Variants in ADH6 observed in about 807,000 individuals in gnomAD.
The protein encoded by ADH6 is alcohol dehydrogenase 6 (class V).
A neutral mutation model predicts 36.5 loss-of-function variants in ADH6; 34 were observed. The ratio of observed to expected loss-of-function variants is 0.93; its 90% CI spans 0.71 to 1.24. The LOEUF is 1.24. Among genes scored for constraint, ADH6 ranks in the 50% most tolerant of loss-of-function variants. The pLI, the probability that ADH6 is intolerant of heterozygous loss-of-function variation, is 0.00. For synonymous variants in ADH6, 161 were observed against 155.5 expected (o/e 1.04, Z -0.26); for missense variants, 440 against 447.0 (o/e 0.98, Z 0.14).
chr4:99,212,228 C>A (rs1275095442), intron 3 of ADH6, among the ~76,000 whole-genome samples: 1 of 152,106 alleles, frequency 6.6e-6, no homozygotes, highest in Non-Finnish European at 1.5e-5. Flanking sequence ...TCGAGCAAAT[C>A]TACGTTCCAA....
chr4:99,216,117 C>A, intron 2 of ADH6, 44 bp downstream of exon 2: 1 of 1,200,124 alleles, frequency 8.3e-7, no homozygotes, highest in South Asian at 1.8e-5. Flanking sequence ...GAAGCTCTGG[C>A]TTTTGGCTTT....
At chr4:99,210,630 T>A in intron 3 of ADH6, 128 bp from the exon 4 acceptor site, 1 of 693,870 alleles carries the variant, frequency 1.4e-6, no homozygotes, top group Non-Finnish European at 2.5e-6. Context: ...CACATTCAGT[T>A]GTGCTTGATA....
At chr4:99,219,103 T>C (rs1346303858) in intron 1 of ADH6, 32 bp downstream of exon 1, 3 of 1,602,608 alleles carry the variant, frequency 1.9e-6, no homozygotes, top group East Asian at 2.2e-5. Flanking sequence ...GACAAAGATA[T>C]GACACAACAT....
At chr4:99,206,568 AC>A (rs1731043116) in intron 7 of ADH6, among the ~76,000 whole-genome samples, 1 of 118,204 alleles carries the variant, frequency 8.5e-6, no homozygotes, top group African/African-American at 3.7e-5. Context: ...CTGGATTATT[AC>A]TTTTTTTTTT....
At chr4:99,209,295 G>GTC (rs149042936) in intron 5 of ADH6, among the ~76,000 whole-genome samples, 32 of 148,040 alleles carry the variant, frequency 2.2e-4, no homozygotes, top group Middle Eastern at 3.5e-3. Flanking sequence ...ATTTCTCTCT[G>GTC]TCTCTCTCTC....
chr4:99,216,843 C>CAA (rs113757105), intron 1 of ADH6, among the ~76,000 whole-genome samples: 7,431 of 140,228 alleles, frequency 0.053, 582 homozygotes, highest in African/African-American at 0.18. Context: ...GACTCCATCT[C>CAA]AAAAAAAAAA....
chr4:99,209,868 A>G (rs1435796071), intron 5 of ADH6, among the ~76,000 whole-genome samples: 6 of 152,152 alleles, frequency 3.9e-5, no homozygotes, highest in African/African-American at 1.4e-4. Flanking sequence ...AATGGCATCC[A>G]GACTTAATCT....
intron 3 of ADH6, 118 bp from the exon 4 acceptor site, chr4:99,210,620 C>T: frequency 2.7e-6 from 2 of 745,462 alleles, no homozygotes; most frequent in Non-Finnish European, 4.5e-6. Flanking sequence ...AAATTATTTC[C>T]ACATTCAGTT....
intron 7 of ADH6, among the ~76,000 whole-genome samples, chr4:99,205,969 A>G (rs1393699252): frequency 6.6e-6 from 1 of 152,130 alleles, no homozygotes; most frequent in Non-Finnish European, 1.5e-5. Flanking sequence ...TGTTTCTGTT[A>G]TGTGTAACCA....
chr4:99,210,475 G>C lies in ADH6; in HGVS notation c.290C>G (p.Pro97Arg), dbSNP rs1348375219. The C allele has an allele frequency of 1.9e-6, 3 of 1,611,562 alleles. No individual in the cohort carries two copies. Among genetic ancestry groups the C allele is most frequent in the East Asian group, 4.5e-5 (2 of 44,850 alleles). The change falls in exon 4 of 9, where the codon CCA becomes CGA. Residue 97 changes from proline (P) to arginine (R), a missense_variant. Coordinates refer to ENST00000394899, the MANE Select transcript of ADH6 (RefSeq NM_001102470.2). The part of the protein sequence containing the change: ...PGDKVITLFL[P>R]QCGECTSCLN... ...GCAAGAGGTACATTCTCCACACTGT[G>C]GCAGAAAGAGTGTGATAACTTTGTC... is the stretch of plus-strand genomic sequence containing the variant.
intron 3 of ADH6, 54 bp from the exon 4 acceptor site, chr4:99,210,556 T>G: frequency 7.2e-7 from 1 of 1,388,720 alleles, no homozygotes; most frequent in Non-Finnish European, 1.0e-6. Flanking sequence ...AGTAAAGACA[T>G]AGCTGTCTTT....
In ADH6 at chr4:99,210,074, C is replaced by A. The variant is rs939594260; in HGVS notation, c.567+8G>T. 1.9e-6 allele frequency: 3 copies of A among 1,612,518 alleles called. No individual in the cohort carries two copies. Among genetic ancestry groups the A allele is most frequent in the South Asian group, 1.1e-5 (1 of 91,048 alleles). ...ATTCCCTTCCAAATGGGTATAAATGCCCCTCACCTTGGCAGTATTGATTGC... is the reference window on the plus strand; with the variant it reads ...ATTCCCTTCCAAATGGGTATAAATGACCCTCACCTTGGCAGTATTGATTGC... On this transcript the variant is annotated splice_region_variant and intron_variant, in intron 5 of 8. Transcript: ENST00000394899.
At chr4:99,213,797 TG>T in intron 2 of ADH6, 50 bp from the exon 3 acceptor site, 1 of 1,469,778 alleles carries the variant, frequency 6.8e-7, no homozygotes, top group East Asian at 2.4e-5. Flanking sequence ...CAGATAATGG[TG>T]TTTTAGAGTT....
At chr4:99,204,412 A>G in intron 8 of ADH6, 169 bp from the exon 9 acceptor site, 1 of 1,409,320 alleles carries the variant, frequency 7.1e-7, no homozygotes, top group Non-Finnish European at 9.2e-7. Context: ...ATGACATGAA[A>G]CTCCAAGGGT....
At chr4:99,215,331 A>G (rs1255492050) in intron 2 of ADH6, among the ~76,000 whole-genome samples, 1 of 152,242 alleles carries the variant, frequency 6.6e-6, no homozygotes, top group Non-Finnish European at 1.5e-5. Flanking sequence ...CTTTATTGTT[A>G]TAATTAAAAT....
chr4:99,205,199 A>G (rs962441513), intron 7 of ADH6, 136 bp from the exon 8 acceptor site: 9 of 890,552 alleles, frequency 1.0e-5, no homozygotes, highest in South Asian at 2.1e-5. Flanking sequence ...CTCAATCATC[A>G]GGAGAATGCC....
Position 99,210,309 on chromosome 4 carries a change from CAAAACAA to C in ADH6, c.351-18_351-12del, listed in dbSNP as rs777331393. On this transcript the variant is annotated splice_polypyrimidine_tract_variant and intron_variant, in intron 4 of 8. Transcript: ENST00000394899. Reference sequence around the variant, plus strand: ...TGGGTTTTTGACTGTCTTTTATAGACAAAACAAAAAACAAAACACAAAGTTTATTTTG... The same window carrying C: ...TGGGTTTTTGACTGTCTTTTATAGACAAAACAAAACACAAAGTTTATTTTG... 1.9e-6 allele frequency: 3 copies of C among 1,608,520 alleles called. No homozygotes were observed. The highest frequency in any genetic ancestry group is 2.6e-6 in the Non-Finnish European group (3 of 1,176,330).
intron 3 of ADH6, among the ~76,000 whole-genome samples, chr4:99,212,870 G>T (rs1482576343): frequency 1.0e-4 from 15 of 150,728 alleles, no homozygotes; most frequent in African/African-American, 3.7e-4. Context: ...GACTTTTGGG[G>T]TTTTTTTTAA....
rs762024012 is a variant in ADH6 at position 99,207,561 on chromosome 4, G to T, written c.849C>A (p.Cys283Ter). 1.1e-5 allele frequency: 17 copies of T among 1,613,302 alleles called. No individual in the cohort carries two copies. In the South Asian group the frequency reaches 1.9e-4, roughly 18 times the overall value. The change falls in exon 7 of 9, where the codon TGC becomes TGA. Residue 283 changes from cysteine to a stop codon, truncating the protein, a stop_gained. Transcript: ENST00000394899. LOFTEE classifies it high-confidence loss of function. ...CCACACAGACCCCATAGCTCTCATT[G>T]CAGGAGGCGAGGGCAGCTGCCTGTT... is the stretch of plus-strand genomic sequence containing the variant. ...LDVLAAALAS[C>*]NESYGVCVVV...
Sources: allele counts gnomAD v4.1 joint callset (sites outside exome capture counted in the v4.1 genomes callset), GRCh38; gene constraint gnomAD v4.1.1; transcripts MANE v1.5; gene names NCBI Gene and HGNC (gene_info 2026-07-23, HGNC 2026-07-21).